Variants in ARMC8 observed in about 807,000 individuals in gnomAD.
ARMC8 encodes armadillo repeat containing 8, also known as armadillo repeat-containing protein 8.
Under a neutral mutation model 99.3 loss-of-function variants are expected in ARMC8, and 20 were observed. The ratio of observed to expected loss-of-function variants is 0.20; its 90% CI spans 0.14 to 0.29. The LOEUF (loss-of-function observed/expected upper bound fraction) is 0.29, where lower values mean the gene tolerates loss of function less well. Ranked by LOEUF, ARMC8 falls within the 10% of genes least tolerant of loss-of-function variation. The pLI is 1.00. For missense variants in ARMC8, 569 were observed against 809.5 expected (o/e 0.70, Z 3.60); for synonymous variants, 263 against 278.3 (o/e 0.95, Z 0.55).
chr3:138,287,477 A>C (rs1039835372), intron 19 of ARMC8, among the ~76,000 whole-genome samples: 3 of 151,916 alleles, frequency 2.0e-5, no homozygotes, highest in Admixed American at 6.6e-5. Flanking sequence ...CTATCCTCAT[A>C]GTAATTTGTG....
chr3:138,225,954 T>G (rs576981469), intron 5 of ARMC8, among the ~76,000 whole-genome samples: 1 of 152,202 alleles, frequency 6.6e-6, no homozygotes, highest in African/African-American at 2.4e-5. Flanking sequence ...ATGGGTCACC[T>G]CACACAGTAG....
intron 1 of ARMC8, among the ~76,000 whole-genome samples, chr3:138,203,664 C>T (rs560299063): frequency 6.6e-6 from 1 of 152,310 alleles, no homozygotes; most frequent in East Asian, 1.9e-4. Context: ...TGATCCAGTC[C>T]TCACTCAAGG....
At chr3:138,291,352 G>A (rs890481241) in intron 21 of ARMC8, among the ~76,000 whole-genome samples, 35 of 152,152 alleles carry the variant, frequency 2.3e-4, no homozygotes, top group African/African-American at 8.2e-4. Flanking sequence ...ATACCTGTCC[G>A]CTTACAGTAG....
intron 1 of ARMC8, among the ~76,000 whole-genome samples, chr3:138,193,028 G>T (rs1195833896): frequency 6.6e-6 from 1 of 152,072 alleles, no homozygotes; most frequent in Admixed American, 6.6e-5. Context: ...GAGTGCAATG[G>T]CCTGGTCTCA....
intron 5 of ARMC8, among the ~76,000 whole-genome samples, chr3:138,226,969 A>G (rs188248937): frequency 6.6e-6 from 1 of 152,324 alleles, no homozygotes; most frequent in East Asian, 1.9e-4. Flanking sequence ...GAAGAGTTGA[A>G]TTGGGGAAGA....
Position 138,290,631 on chromosome 3 carries a change from T to A in ARMC8, c.1980T>A (p.Leu660=). ...HKLSQSPDSN[L]CDKAKMALQQ... ...TGAGTCAGTCACCAGATTCAAACCT[T>A]TGTGACAAGTGAGTATGAATGTGAA... Residue 660 remains leucine, a synonymous_variant, in exon 21 of 22, where the codon CTT becomes CTA. Coordinates refer to ENST00000469044, the MANE Select transcript of ARMC8 (RefSeq NM_001363941.2). The A allele has an allele frequency of 2.5e-6, 4 of 1,597,874 alleles. No homozygotes were observed. The highest frequency in any genetic ancestry group is 3.4e-6 in the Non-Finnish European group (4 of 1,171,364).
chr3:138,241,252 G>A (rs1185595671), intron 10 of ARMC8, among the ~76,000 whole-genome samples: 6 of 152,140 alleles, frequency 3.9e-5, no homozygotes, highest in Non-Finnish European at 7.4e-5. Flanking sequence ...TAGAACTGGT[G>A]GAATCTGAGT....
At chr3:138,219,056 G>A (rs1474861560) in intron 2 of ARMC8, among the ~76,000 whole-genome samples, 1 of 152,156 alleles carries the variant, frequency 6.6e-6, no homozygotes, top group Non-Finnish European at 1.5e-5. Flanking sequence ...GACATGGGTT[G>A]AGACTGGCTC....
At chr3:138,267,920 A>G (rs1006222243) in intron 15 of ARMC8, among the ~76,000 whole-genome samples, 5 of 152,136 alleles carry the variant, frequency 3.3e-5, no homozygotes, top group African/African-American at 1.2e-4. Context: ...GTAGGCATTG[A>G]CTATAATTAA....
chr3:138,284,610 T>A, intron 19 of ARMC8, 84 bp downstream of exon 19: 1 of 1,018,286 alleles, frequency 9.8e-7, no homozygotes, highest in Non-Finnish European at 1.5e-6. Context: ...GCAGAGATTT[T>A]AAAAAGAGGA....
intron 12 of ARMC8, among the ~76,000 whole-genome samples, chr3:138,251,001 A>G (rs1212237279): frequency 6.6e-6 from 1 of 151,926 alleles, no homozygotes; most frequent in Non-Finnish European, 1.5e-5. Context: ...AAATACAAAA[A>G]TTATCCAGGC....
chr3:138,193,310 G>C (rs2043501569), intron 1 of ARMC8, among the ~76,000 whole-genome samples: 1 of 151,436 alleles, frequency 6.6e-6, no homozygotes, highest in Admixed American at 6.6e-5. Flanking sequence ...ATCCGGGCTG[G>C]AGTGCAGTGG....
At chr3:138,232,148 T>G (rs2046079862) in intron 6 of ARMC8, among the ~76,000 whole-genome samples, 2 of 151,478 alleles carry the variant, frequency 1.3e-5, no homozygotes, top group African/African-American at 4.9e-5. Flanking sequence ...TTTTCATATT[T>G]TTTTTTAAGT....
chr3:138,239,360 T>C lies in ARMC8; in HGVS notation c.777-108T>C, dbSNP rs555474918. ...TCAAAATCTTCACTCTCAAGATAAG[T>C]GATATTATTTGGTTTTCGATTTTTT... On this transcript the variant is annotated intron_variant, in intron 9 of 21. Transcript: ENST00000469044. The C allele has an allele frequency of 2.3e-4, 170 of 729,184 alleles. 1 individual carries two copies. The South Asian group carries it at 3.1e-3, about 13-fold the overall frequency. The allele number at this position is 729,184 out of a possible 1,614,324, so 45.2% of individuals were successfully genotyped here.
intron 2 of ARMC8, among the ~76,000 whole-genome samples, chr3:138,211,052 T>G (rs764849560): frequency 1.3e-5 from 2 of 152,210 alleles, no homozygotes; most frequent in African/African-American, 2.4e-5. Flanking sequence ...ACTTTATAAT[T>G]ATTTAATCAC....
chr3:138,273,120 A>G lies in ARMC8; in HGVS notation c.1629+4A>G. 6.2e-7 allele frequency: 1 copy of G among 1,601,210 alleles called. No individual in the cohort carries two copies. On this transcript the variant is annotated splice_donor_region_variant and intron_variant, in intron 17 of 21. Coordinates refer to ENST00000469044, the MANE Select transcript of ARMC8 (RefSeq NM_001363941.2). Reference sequence around the variant, plus strand: ...AAATCTCCTCTCCACTCGTCCTGTAAGTAAAATCACCCAGGCTTCCAAATT... The same window carrying G: ...AAATCTCCTCTCCACTCGTCCTGTAGGTAAAATCACCCAGGCTTCCAAATT...
chr3:138,229,134 G>GTATATATATATATATATATATATATATA (rs71146119), intron 6 of ARMC8, 124 bp downstream of exon 6: 1 of 78,606 alleles, frequency 1.3e-5, no homozygotes, highest in Non-Finnish European at 2.3e-5. Flanking sequence ...GTGTGTGCGT[G>GTATATATATATATATATATATATATATA]TATATATATA....
chr3:138,201,436 C>CTTTTTT lies in ARMC8; in HGVS notation c.46-8345_46-8340dup, dbSNP rs58707271. On this transcript the variant is annotated intron_variant, in intron 1 of 21. Transcript: ENST00000469044. ...TAGAGTCCTTGTCTTCTTCCCCTCC[C>CTTTTTT]TTTTTTTTTTTTTTTTTTTTTTTTT... Among the ~76,000 whole-genome samples, 76 of 64,990 alleles carry CTTTTTT rather than the reference C, an allele frequency of 1.2e-3. 26 individuals are homozygous for CTTTTTT. Among genetic ancestry groups the CTTTTTT allele is most frequent in the Admixed American group, 1.5e-3 (6 of 4,108 alleles). 42.6% of individuals were successfully genotyped at this position (64,990 alleles called of 152,430 possible).
intron 12 of ARMC8, among the ~76,000 whole-genome samples, chr3:138,260,656 A>G (rs563610557): frequency 9.9e-5 from 15 of 152,210 alleles, no homozygotes; most frequent in Non-Finnish European, 1.3e-4. Context: ...ACCTATGGCT[A>G]TACTGAGATA....
Sources: gnomAD v4.1 joint callset for allele counts (sites outside exome capture counted in the v4.1 genomes callset) on GRCh38, gnomAD v4.1.1 for gene constraint, MANE v1.5 for transcripts, NCBI Gene and HGNC (gene_info 2026-07-23, HGNC 2026-07-21) for gene names.